Variants in ACSF3 observed in about 807,000 individuals in gnomAD.
ACSF3 encodes the protein acyl-CoA synthetase family member 3, also known as malonate--CoA ligase ACSF3, mitochondrial.
A neutral mutation model predicts 53.2 loss-of-function variants in ACSF3; 78 were observed. The ratio of observed to expected loss-of-function variants is 1.47; its 90% CI spans 1.22 to 1.77. ACSF3 has a LOEUF of 1.77. Ranked by LOEUF, ACSF3 falls within the 40% of genes most tolerant of loss-of-function variation. The pLI, the probability that ACSF3 is intolerant of heterozygous loss-of-function variation, is 0.00. For missense variants in ACSF3, 937 were observed against 771.1 expected (o/e 1.22, Z -2.55); for synonymous variants, 414 against 333.1 (o/e 1.24, Z -2.65).
rs187733270 is a variant in ACSF3, at chr16:89,145,336, C to G, written c.1436C>G (p.Thr479Ser). Residue 479 changes from threonine to serine, a missense_variant, in exon 9 of 11, where the codon ACT becomes AGT. Thr to Ser is a moderately conservative substitution (Grantham distance 58). Transcript: ENST00000614302. ...CGGACCTCAGTGGACATCATCAAGA[C>G]TGGAGGCTACAAGGTCAGCGCCCTG... ...RGRTSVDIIK[T>S]GGYKVSALEV... 6.2e-7 allele frequency: 1 copy of G among 1,614,222 alleles called. No homozygotes were observed. Among genetic ancestry groups the G allele is most frequent in the Non-Finnish European group, 8.5e-7 (1 of 1,180,036 alleles).
intron 7 of ACSF3, among the ~76,000 whole-genome samples, chr16:89,132,777 G>A (rs1567726703): frequency 6.6e-6 from 1 of 152,184 alleles, no homozygotes; most frequent in Non-Finnish European, 1.5e-5. Context: ...ACGTGGACAG[G>A]CTGCCTGAAT....
At chr16:89,145,051 G>C in intron 8 of ACSF3, 1 of 1,336,022 alleles carries the variant, frequency 7.5e-7, no homozygotes. Flanking sequence ...CATGGGCACA[G>C]TCCCACCTTG....
intron 7 of ACSF3, among the ~76,000 whole-genome samples, chr16:89,131,865 G>A (rs757386881): frequency 2.6e-5 from 4 of 152,288 alleles, no homozygotes; most frequent in Non-Finnish European, 5.9e-5. Flanking sequence ...GAGCAGCCAG[G>A]AGTTAGGCTG....
chr16:89,128,929 C>T (rs567500561), intron 7 of ACSF3, among the ~76,000 whole-genome samples: 1 of 151,860 alleles, frequency 6.6e-6, no homozygotes, highest in South Asian at 2.1e-4. Flanking sequence ...AGTTTGAGCC[C>T]AGCCTGAGCA....
At position 89,114,389 on chromosome 16, in the gene ACSF3, G is replaced by A. The variant is rs1131691498; in HGVS notation, c.1028G>A (p.Trp343Ter). The A allele has an allele frequency of 1.1e-5, 18 of 1,614,090 alleles. No individual in the cohort carries two copies. The highest frequency in any genetic ancestry group is 1.5e-5 in the Non-Finnish European group (18 of 1,180,048). The change falls in exon 6 of 11, where the codon TGG becomes TAG. Residue 343 changes from tryptophan to a stop codon, truncating the protein, a stop_gained. Transcript: ENST00000614302. LOFTEE classifies it high-confidence loss of function. The stretch of plus-strand genomic sequence containing the variant: ...CTGCCCCTCCCAGTGCTGGAGAAGT[G>A]GAAGAACATCACGGGCCACACCCTG... ...AALPLPVLEK[W>*]KNITGHTLLE...
At chr16:89,097,590 A>G (rs537425965) in intron 1 of ACSF3, among the ~76,000 whole-genome samples, 38 of 152,332 alleles carry the variant, frequency 2.5e-4, no homozygotes, top group African/African-American at 8.4e-4. Flanking sequence ...GAAGTGAGGA[A>G]GGAAGCGTGG....
Position 89,101,077 on chromosome 16 carries a change from C to G in ACSF3, c.396C>G (p.Ala132=). 1 of 1,614,068 alleles carries G rather than the reference C, an allele frequency of 6.2e-7. No homozygotes were observed. The highest frequency in any genetic ancestry group is 8.5e-7 in the Non-Finnish European group (1 of 1,180,016). The change falls in exon 3 of 11, where the codon GCC becomes GCG. Residue 132 remains alanine (A), a synonymous_variant. Transcript: ENST00000614302. ...CCCTCTACAGGAAGCATCCCGCGGC[C>G]CAGCTGGAGTATGTCATCTGCGACT... The part of the protein sequence containing the change: ...AVPLYRKHPA[A]QLEYVICDSQ...
intron 6 of ACSF3, chr16:89,114,821 G>A (rs1904804000): frequency 2.6e-6 from 1 of 391,538 alleles, no homozygotes; most frequent in African/African-American, 2.1e-5. Context: ...CATGCTGTTG[G>A]CTCCAGACCA....
At chr16:89,122,565 C>A (rs1314047665) in intron 7 of ACSF3, 2 of 298,804 alleles carry the variant, frequency 6.7e-6, no homozygotes, top group Non-Finnish European at 1.4e-5. Flanking sequence ...CAGTTCCAAC[C>A]CTGTCTGCAG....
chr16:89,114,091 C>T (rs1422258670), intron 5 of ACSF3: 3 of 567,274 alleles, frequency 5.3e-6, no homozygotes, highest in East Asian at 3.3e-5. Context: ...AGCTGTTGGA[C>T]CTGCTTCCTT....
chr16:89,126,297 C>T (rs1018855299), intron 7 of ACSF3, among the ~76,000 whole-genome samples: 4 of 151,714 alleles, frequency 2.6e-5, no homozygotes, highest in Non-Finnish European at 5.9e-5. Context: ...GAGACAGAAT[C>T]TTGTCCTTTC....
At chr16:89,105,945 C>G (rs1597913968) in intron 4 of ACSF3, among the ~76,000 whole-genome samples, 2 of 152,258 alleles carry the variant, frequency 1.3e-5, no homozygotes, top group East Asian at 3.9e-4. Flanking sequence ...GCTTTCTGGT[C>G]TTGCTGCTTC....
At chr16:89,099,829 G>A (rs1176850227) in intron 2 of ACSF3, among the ~76,000 whole-genome samples, 1 of 151,062 alleles carries the variant, frequency 6.6e-6, no homozygotes, top group African/African-American at 2.4e-5. Context: ...ATCCCAGATA[G>A]ATAATAAAGA....
intron 7 of ACSF3, among the ~76,000 whole-genome samples, chr16:89,129,852 A>C (rs1274816874): frequency 3.3e-5 from 5 of 152,234 alleles, no homozygotes; most frequent in Non-Finnish European, 7.3e-5. Context: ...TCAACATTTT[A>C]ACACTTCCAG....
Position 89,155,538 on chromosome 16 carries a change from G to A in ACSF3, c.*1331G>A, listed in dbSNP as rs749432771. The A allele has an allele frequency of 4.0e-5, 18 of 453,942 alleles. 1 individual carries two copies. The highest frequency in any genetic ancestry group is 2.5e-4 in the South Asian group (16 of 64,464). The allele number at this position is 453,942 out of a possible 1,614,324, so 28.1% of individuals were successfully genotyped here. A position where few individuals can be genotyped will look rare whatever the true frequency, so the allele number is the denominator to read the frequency against. ...CCCAGTCCACGGCCCTGCCCCACCCGAACTCCTGCCTCACGGTGTGGCCTT... is the reference window on the plus strand; with the variant it reads ...CCCAGTCCACGGCCCTGCCCCACCCAAACTCCTGCCTCACGGTGTGGCCTT... On this transcript the variant is annotated 3_prime_UTR_variant, in exon 11 of 11. Coordinates refer to ENST00000614302, the MANE Select transcript of ACSF3 (RefSeq NM_001243279.3).
chr16:89,099,881 G>GAAAGA (rs1189491739), intron 2 of ACSF3, among the ~76,000 whole-genome samples: 2 of 149,250 alleles, frequency 1.3e-5, no homozygotes, highest in Admixed American at 6.8e-5. Context: ...AGGAGAGAGA[G>GAAAGA]AAAGAAAAGA....
intron 5 of ACSF3, chr16:89,113,382 C>G (rs1436584725): frequency 1.5e-4 from 23 of 152,340 alleles, no homozygotes. Flanking sequence ...CTTTGCCGTT[C>G]CCTTGCCCCT....
chr16:89,154,000 AG>A, intron 10 of ACSF3, 89 bp from the exon 11 acceptor site: 1 of 1,360,384 alleles, frequency 7.4e-7, no homozygotes, highest in Non-Finnish European at 1.0e-6. Context: ...GCAGGGTCCC[AG>A]GGGCACCTGT....
At chr16:89,094,306 T>C (rs909052442) in intron 1 of ACSF3, among the ~76,000 whole-genome samples, 4 of 152,048 alleles carry the variant, frequency 2.6e-5, no homozygotes, top group Non-Finnish European at 5.9e-5. Flanking sequence ...TCGTCTTTGG[T>C]TGTGTTTGGA....
Sources: gnomAD v4.1 joint callset for allele counts (sites outside exome capture counted in the v4.1 genomes callset) on GRCh38, gnomAD v4.1.1 for gene constraint, MANE v1.5 for transcripts, NCBI Gene and HGNC (gene_info 2026-07-23, HGNC 2026-07-21) for gene names.